ELAPOR2: variants seen among roughly 807,000 people sequenced by gnomAD.
ELAPOR2 encodes the protein endosome-lysosome associated apoptosis and autophagy regulator family member 2.
Under a neutral mutation model 120.7 loss-of-function variants are expected in ELAPOR2, and 89 were observed. The ratio of observed to expected loss-of-function variants is 0.74; its 90% CI spans 0.62 to 0.88. ELAPOR2 has a LOEUF of 0.88. Among genes scored for constraint, ELAPOR2 ranks in the 40% least tolerant of loss-of-function variants. ELAPOR2 has a pLI of 0.00. For missense variants in ELAPOR2, 1,134 were observed against 1,251.6 expected (o/e 0.91, Z 1.42); for synonymous variants, 444 against 444.9 (o/e 1.00, Z 0.03).
At chr7:86,887,822 G>A (rs1799763756) in intron 21 of ELAPOR2, among the ~76,000 whole-genome samples, 2 of 152,004 alleles carry the variant, frequency 1.3e-5, no homozygotes, top group Admixed American at 6.6e-5. Context: ...CCCATGGAAA[G>A]GGATCATCTC....
rs1361587448 is a variant in ELAPOR2, at chr7:86,897,536, C to T, written c.2655G>A (p.Glu885=). Residue 885 remains glutamate, a synonymous_variant, in exon 19 of 22, where the codon GAG becomes GAA. Transcript: ENST00000450689. ...ATCCTCTCTTGCAGGCTCCCTCAAT[C>T]TCATGGAAGTCATGCTCCGTACACA... ...CPLCTEHDFH[E]IEGACKRGFQ... The T allele has an allele frequency of 1.4e-5, 22 of 1,613,084 alleles. No homozygotes were observed. In the Admixed American group the frequency reaches 3.3e-4, roughly 24 times the overall value.
Position 86,926,728 on chromosome 7 carries a change from C to G in ELAPOR2, c.1270+8G>C. On this transcript the variant is annotated splice_region_variant and intron_variant, in intron 9 of 21. Transcript: ENST00000450689. ...AAGGCCCAGTTATTGGACCAATTGA[C>G]ATCCTACCTTTGGTTCCATCTGAAA... 6.2e-7 allele frequency: 1 copy of G among 1,601,006 alleles called. No homozygotes were observed. Among genetic ancestry groups the G allele is most frequent in the Admixed American group, 1.7e-5 (1 of 58,544 alleles).
At chr7:87,023,474 A>G (rs2116706833) in intron 1 of ELAPOR2, among the ~76,000 whole-genome samples, 1 of 152,216 alleles carries the variant, frequency 6.6e-6, no homozygotes, top group South Asian at 2.1e-4. Flanking sequence ...GTAGCCTTCT[A>G]GTATAGCTTG....
At chr7:86,889,443 A>G (rs1233292617) in intron 21 of ELAPOR2, among the ~76,000 whole-genome samples, 1 of 151,486 alleles carries the variant, frequency 6.6e-6, no homozygotes, top group East Asian at 1.9e-4. Flanking sequence ...AACCAAGTAT[A>G]GTATCAAACC....
intron 8 of ELAPOR2, among the ~76,000 whole-genome samples, chr7:86,933,847 T>C (rs1790445339): frequency 6.6e-6 from 1 of 152,002 alleles, no homozygotes; most frequent in South Asian, 2.1e-4. Context: ...TTCATGACAC[T>C]CAACAGGGAA....
intron 1 of ELAPOR2, among the ~76,000 whole-genome samples, chr7:87,040,721 G>C (rs1794755135): frequency 1.3e-5 from 2 of 152,356 alleles, no homozygotes; most frequent in South Asian, 4.1e-4. Context: ...CTCCTCCAAA[G>C]GAACGCAGTT....
intron 1 of ELAPOR2, among the ~76,000 whole-genome samples, chr7:87,004,407 T>C (rs755445813): frequency 1.3e-5 from 2 of 152,170 alleles, no homozygotes; most frequent in Non-Finnish European, 2.9e-5. Context: ...GTACTTTCAC[T>C]TTGCCTTACA....
Position 86,997,976 on chromosome 7 carries a change from C to G in ELAPOR2, c.190-32952G>C, listed in dbSNP as rs1466636038. On this transcript the variant is annotated intron_variant, in intron 1 of 21. Coordinates refer to ENST00000450689, the MANE Select transcript of ELAPOR2 (RefSeq NM_001142749.3). The stretch of plus-strand genomic sequence containing the variant: ...GCAAATTAGAGGGTAGCCAGACCCA[C>G]TCTCTGGGAGCTGAAAGAATTACAC... Among the ~76,000 whole-genome samples, 47 of 152,158 alleles carry G rather than the reference C, an allele frequency of 3.1e-4. 1 individual carries two copies. Among genetic ancestry groups the G allele is most frequent in the Admixed American group, 3.1e-3 (47 of 15,266 alleles).
At chr7:86,924,751 T>A (rs1163234763) in intron 10 of ELAPOR2, among the ~76,000 whole-genome samples, 3 of 149,910 alleles carry the variant, frequency 2.0e-5, no homozygotes, top group African/African-American at 7.4e-5. Context: ...CAAGCTTTTT[T>A]TTTTGAATAG....
At chr7:86,937,949 T>A (rs905732280) in intron 8 of ELAPOR2, among the ~76,000 whole-genome samples, 177 bp downstream of exon 8, 14 of 152,110 alleles carry the variant, frequency 9.2e-5, no homozygotes, top group Admixed American at 8.5e-4. Context: ...CAGGACTTAA[T>A]GGTATATGTG....
chr7:87,007,732 A>C (rs1793529063), intron 1 of ELAPOR2, among the ~76,000 whole-genome samples: 1 of 152,220 alleles, frequency 6.6e-6, no homozygotes, highest in Admixed American at 6.5e-5. Flanking sequence ...AGAAGTGCTC[A>C]AAGAATGAAT....
intron 1 of ELAPOR2, among the ~76,000 whole-genome samples, chr7:87,022,124 A>C (rs1455036613): frequency 1.3e-5 from 2 of 152,134 alleles, no homozygotes; most frequent in Non-Finnish European, 2.9e-5. Context: ...ACATGTGCAC[A>C]ACATGCAGGT....
chr7:86,949,965 G>C (rs1791175219), intron 2 of ELAPOR2, among the ~76,000 whole-genome samples: 1 of 152,186 alleles, frequency 6.6e-6, no homozygotes, highest in Non-Finnish European at 1.5e-5. Flanking sequence ...TGGGGGCTGG[G>C]TTGCCAGTCA....
intron 4 of ELAPOR2, among the ~76,000 whole-genome samples, chr7:86,942,325 G>A (rs143981002): frequency 2.6e-5 from 4 of 152,026 alleles, no homozygotes; most frequent in African/African-American, 9.6e-5. Context: ...GTAACAAAAA[G>A]CCTAGCTCAT....
intron 18 of ELAPOR2, among the ~76,000 whole-genome samples, chr7:86,901,692 T>C (rs1301595303): frequency 6.6e-6 from 1 of 152,236 alleles, no homozygotes; most frequent in Non-Finnish European, 1.5e-5. Context: ...TCAGTTGAGT[T>C]ATCCTCCAGG....
chr7:86,981,915 C>T (rs1344384160), intron 1 of ELAPOR2, among the ~76,000 whole-genome samples: 4 of 152,222 alleles, frequency 2.6e-5, no homozygotes, highest in African/African-American at 9.6e-5. Flanking sequence ...CCAAGGGAAA[C>T]CATGACAGAC....
chr7:87,010,538 T>G (rs758199686), intron 1 of ELAPOR2, among the ~76,000 whole-genome samples: 9 of 152,348 alleles, frequency 5.9e-5, no homozygotes, highest in Non-Finnish European at 1.0e-4. Context: ...CTCTAAGAAT[T>G]TCTATTGTTT....
In ELAPOR2 at chr7:86,914,826, G is replaced by A. The variant is rs750242661; in HGVS notation, c.1628C>T (p.Ser543Leu). ...INRKSTNVVE[S>L]WGGTKEKQAY... is the part of the protein sequence containing the mutation. ...TTGTTTTTCTTTGGTTCCACCCCAC[G>A]ATTCTACCACATTTGTACTTTTTCT... The change falls in exon 13 of 22, where the codon TCG becomes TTG. Residue 543 changes from serine (S) to leucine (L), a missense_variant. Coordinates refer to ENST00000450689, the MANE Select transcript of ELAPOR2 (RefSeq NM_001142749.3). 3.7e-6 allele frequency: 6 copies of A among 1,610,990 alleles called. No homozygotes were observed. The highest frequency in any genetic ancestry group is 2.2e-5 in the South Asian group (2 of 90,578).
At chr7:87,023,675 T>C (rs899465063) in intron 1 of ELAPOR2, among the ~76,000 whole-genome samples, 4 of 152,190 alleles carry the variant, frequency 2.6e-5, no homozygotes, top group Admixed American at 6.5e-5. Flanking sequence ...ATTTTCATGA[T>C]ATTGATTCTT....
Sources: gnomAD v4.1 joint callset for allele counts (sites outside exome capture counted in the v4.1 genomes callset) on GRCh38, gnomAD v4.1.1 for gene constraint, MANE v1.5 for transcripts, NCBI Gene and HGNC (gene_info 2026-07-23, HGNC 2026-07-21) for gene names.